ELAVL1: variants seen among roughly 807,000 people sequenced by gnomAD.
ELAVL1 encodes ELAV-like protein 1.
ELAVL1 carries 1 observed loss-of-function variant against 28.4 expected under a neutral mutation model. The ratio of observed to expected loss-of-function variants is 0.04; its 90% CI spans 0.01 to 0.17. The LOEUF is 0.17. Ranked by LOEUF, ELAVL1 falls within the 10% of genes least tolerant of loss-of-function variation. The pLI is 1.00. For missense variants in ELAVL1, 157 were observed against 447.2 expected, an observed-to-expected ratio of 0.35 and a Z score of 5.85; for synonymous variants, 174 against 183.5, an observed-to-expected ratio of 0.95 and a Z score of 0.42.
In ELAVL1 at chr19:7,982,211, G is replaced by A. The variant is rs1985483718; in HGVS notation, c.173-1025C>T. 6.6e-6 allele frequency among the ~76,000 whole-genome samples: 1 copy of A among 152,190 alleles called. No homozygotes were observed. Among genetic ancestry groups the A allele is most frequent in the Non-Finnish European group, 1.5e-5 (1 of 68,028 alleles). On this transcript the variant is annotated intron_variant, in intron 2 of 5. Transcript: ENST00000407627. The surrounding 1 kb of genome is among the most constrained non-coding windows in gnomAD (Gnocchi z 4.3). ...CAGAAGGAGCTTCACAGGACATTTGGCCAAATGCTCTCACTAAAGGGGAAG... is the reference window on the plus strand; with the variant it reads ...CAGAAGGAGCTTCACAGGACATTTGACCAAATGCTCTCACTAAAGGGGAAG...
chr19:7,974,251 G>A (rs1043631205), intron 3 of ELAVL1, among the ~76,000 whole-genome samples: 20 of 152,230 alleles, frequency 1.3e-4, no homozygotes, highest in African/African-American at 3.1e-4. Context: ...GTGCTGCAGC[G>A]GGCAAGCAAG....
At chr19:7,970,203 T>A (rs1985069226) in intron 4 of ELAVL1, among the ~76,000 whole-genome samples, 1 of 152,166 alleles carries the variant, frequency 6.6e-6, no homozygotes, top group South Asian at 2.1e-4. Flanking sequence ...TTGCCCAGGC[T>A]GGAGTGCAAT....
intron 3 of ELAVL1, among the ~76,000 whole-genome samples, chr19:7,974,122 C>T (rs774087147): frequency 2.5e-4 from 38 of 152,218 alleles, no homozygotes; most frequent in Middle Eastern, 3.2e-3. Flanking sequence ...AGGAGGCAGG[C>T]GTGACTCCTA....
At chr19:7,988,924 G>C (rs1213255927) in intron 2 of ELAVL1, among the ~76,000 whole-genome samples, 1 of 152,242 alleles carries the variant, frequency 6.6e-6, no homozygotes, top group East Asian at 1.9e-4. Flanking sequence ...GGAGGATCGG[G>C]GCTGGAGAGC....
Position 7,979,291 on chromosome 19 carries a change from G to A in ELAVL1, c.276+1792C>T, listed in dbSNP as rs900374890. Among the ~76,000 whole-genome samples, 12 of 152,194 alleles carry A rather than the reference G, an allele frequency of 7.9e-5. No homozygotes were observed. Among genetic ancestry groups the A allele is most frequent in the South Asian group, 6.2e-4 (3 of 4,832 alleles). Reference sequence around the variant, plus strand: ...GAGGCAGGCTTCTGCATGCATGGCCGGGATGACAGGGAGGGACACCTGCCC... The same window carrying A: ...GAGGCAGGCTTCTGCATGCATGGCCAGGATGACAGGGAGGGACACCTGCCC... On this transcript the variant is annotated intron_variant, in intron 3 of 5. Transcript: ENST00000407627. This position sits in a 1 kb window ranked among gnomAD's most constrained non-coding sequence, Gnocchi z 5.4.
chr19:7,961,317 G>T lies in ELAVL1; in HGVS notation c.*2166C>A, dbSNP rs1984802091. On this transcript the variant is annotated 3_prime_UTR_variant, in exon 6 of 6. Coordinates refer to ENST00000407627, the MANE Select transcript of ELAVL1 (RefSeq NM_001419.3). ...GCGGGAATCCCGCCTTCCATCAGAAGGGTGTTGGCTCCCACCTTCCATCAG... is the reference window on the plus strand; with the variant it reads ...GCGGGAATCCCGCCTTCCATCAGAATGGTGTTGGCTCCCACCTTCCATCAG... 7.0e-6 allele frequency: 1 copy of T among 142,476 alleles called. No homozygotes were observed. The highest frequency in any genetic ancestry group is 2.5e-5 in the African/African-American group (1 of 39,338). The allele number at this position is 142,476 out of a possible 1,614,324, so 8.8% of individuals were successfully genotyped here. A position where few individuals can be genotyped will look rare whatever the true frequency, so the allele number is the denominator to read the frequency against.
intron 3 of ELAVL1, among the ~76,000 whole-genome samples, chr19:7,976,146 T>C (rs1280649123): frequency 1.3e-5 from 2 of 150,318 alleles, no homozygotes; most frequent in African/African-American, 2.5e-5. Flanking sequence ...CTCATGCCTA[T>C]AATCCCAGCA....
In ELAVL1 at chr19:7,963,691, C is replaced by G. The variant is rs1984871621; in HGVS notation, c.773G>C (p.Gly258Ala). 1 of 1,614,276 alleles carries G rather than the reference C, an allele frequency of 6.2e-7. No individual in the cohort carries two copies. Among genetic ancestry groups the G allele is most frequent in the Non-Finnish European group, 8.5e-7 (1 of 1,180,056 alleles). ...IYNLGQDADE[G>A]ILWQMFGPFG... ...CGGCCCAAACATCTGCCAGAGGATCCCCTCGTCGGCATCCTGCCCCAGGTT... is the reference window on the plus strand; with the variant it reads ...CGGCCCAAACATCTGCCAGAGGATCGCCTCGTCGGCATCCTGCCCCAGGTT... The change falls in exon 6 of 6, where the codon GGG becomes GCG. Residue 258 changes from glycine (G) to alanine (A), a missense_variant. Transcript: ENST00000407627. The surrounding 1 kb of genome is among the most constrained non-coding windows in gnomAD (Gnocchi z 4.5).
intron 3 of ELAVL1, 109 bp downstream of exon 3, chr19:7,980,974 A>G: frequency 9.3e-7 from 1 of 1,078,468 alleles, no homozygotes; most frequent in South Asian, 1.3e-5. Context: ...GCCCCCGAGG[A>G]GCGGCTGTGC....
intron 2 of ELAVL1, among the ~76,000 whole-genome samples, chr19:7,991,175 C>T (rs1344984411): frequency 6.6e-6 from 1 of 152,198 alleles, no homozygotes; most frequent in African/African-American, 2.4e-5. Flanking sequence ...TAACGAAGGG[C>T]TGTCCACAAG....
rs1286087968 is a variant in ELAVL1, at chr19:7,962,706, T to G, written c.*777A>C. On this transcript the variant is annotated 3_prime_UTR_variant, in exon 6 of 6. Transcript: ENST00000407627. ...TGTGGGGCGCTGTGCATGCAATGTG[T>G]GGACAGAAACTCGGGATGTCAGAGT... 1 of 152,722 alleles carries G rather than the reference T, an allele frequency of 6.5e-6. No homozygotes were observed. Among genetic ancestry groups the G allele is most frequent in the African/African-American group, 2.4e-5 (1 of 41,476 alleles). 9.5% of individuals were successfully genotyped at this position (152,722 alleles called of 1,614,324 possible). A position where few individuals can be genotyped will look rare whatever the true frequency, so the allele number is the denominator to read the frequency against.
At chr19:7,993,288 TCTC>T (rs1985799688) in intron 1 of ELAVL1, among the ~76,000 whole-genome samples, 1 of 152,210 alleles carries the variant, frequency 6.6e-6, no homozygotes, top group African/African-American at 2.4e-5. Flanking sequence ...TTGGGTTGTC[TCTC>T]GAGAGAATTC....
intron 5 of ELAVL1, among the ~76,000 whole-genome samples, 192 bp downstream of exon 5, chr19:7,967,373 A>G (rs7247382): frequency 6.6e-6 from 1 of 152,186 alleles, no homozygotes; most frequent in Non-Finnish European, 1.5e-5. Context: ...GACAACGCCC[A>G]ATCGGAAGTA....
intron 1 of ELAVL1, among the ~76,000 whole-genome samples, chr19:8,001,559 G>T (rs1371052111): frequency 6.6e-6 from 1 of 152,072 alleles, no homozygotes; most frequent in Non-Finnish European, 1.5e-5. Flanking sequence ...CATGAGTCTG[G>T]CCATCGAGCT....
In ELAVL1 at chr19:7,979,053, G is replaced by A. The variant is rs1008540229; in HGVS notation, c.276+2030C>T. ...GGCCAGGGGCTCAGTAAAGGTTTGC[G>A]GAATGAACACACTTGGAGCACAGAG... On this transcript the variant is annotated intron_variant, in intron 3 of 5. Coordinates refer to ENST00000407627, the MANE Select transcript of ELAVL1 (RefSeq NM_001419.3). This position sits in a 1 kb window ranked among gnomAD's most constrained non-coding sequence, Gnocchi z 5.4. 6.6e-6 allele frequency among the ~76,000 whole-genome samples: 1 copy of A among 152,226 alleles called. No homozygotes were observed. Among genetic ancestry groups the A allele is most frequent in the African/African-American group, 2.4e-5 (1 of 41,456 alleles).
chr19:7,980,794 G>A (rs1019408918), intron 3 of ELAVL1, among the ~76,000 whole-genome samples: 2 of 152,194 alleles, frequency 1.3e-5, no homozygotes, highest in Non-Finnish European at 2.9e-5. Flanking sequence ...TGGGCAGGCT[G>A]GGGGTGGATG....
At chr19:7,971,239 G>A (rs1020429376) in intron 4 of ELAVL1, among the ~76,000 whole-genome samples, 1 of 152,216 alleles carries the variant, frequency 6.6e-6, no homozygotes, top group Non-Finnish European at 1.5e-5. Context: ...GCCCGTGTGT[G>A]CCTGAGAGAC....
rs769359250 is a variant in ELAVL1, at chr19:7,963,225, C to A, written c.*258G>T. ...ATCCAGAGGGACTGGTTAGTCAATG[C>A]AGTTCTACTTAGATTTCTGTTTAAT... On this transcript the variant is annotated 3_prime_UTR_variant, in exon 6 of 6. Coordinates refer to ENST00000407627, the MANE Select transcript of ELAVL1 (RefSeq NM_001419.3). This position sits in a 1 kb window ranked among gnomAD's most constrained non-coding sequence, Gnocchi z 4.5. The A allele has an allele frequency of 2.5e-4, 114 of 460,464 alleles. No individual in the cohort carries two copies. The highest frequency in any genetic ancestry group is 4.0e-4 in the Non-Finnish European group (103 of 258,140). 28.5% of individuals were successfully genotyped at this position (460,464 alleles called of 1,614,324 possible). A position where few individuals can be genotyped will look rare whatever the true frequency, so the allele number is the denominator to read the frequency against.
At chr19:8,003,113 C>T (rs146415659) in intron 1 of ELAVL1, among the ~76,000 whole-genome samples, 1,551 of 152,070 alleles carry the variant, frequency 0.01, 26 homozygotes, top group African/African-American at 0.036. Context: ...ATGGGCTGGG[C>T]GCGGTGGCTC....
Sources: allele counts gnomAD v4.1 joint callset (sites outside exome capture counted in the v4.1 genomes callset), GRCh38; gene constraint gnomAD v4.1.1; non-coding constraint Gnocchi (gnomAD v3.1); transcripts MANE v1.5; gene names NCBI Gene and HGNC (gene_info 2026-07-23, HGNC 2026-07-21).